The following ITGA9 variants were observed in gnomAD, a reference collection of about 807,000 sequenced individuals.
ITGA9 encodes the protein integrin subunit alpha 9, also known as integrin alpha-9.
Under a neutral mutation model 127.8 loss-of-function variants are expected in ITGA9, and 56 were observed. The ratio of observed to expected loss-of-function variants is 0.44; its 90% CI spans 0.35 to 0.55. The LOEUF is 0.55. ITGA9 is among the 20% of genes least tolerant of loss of function. The pLI is 0.00. For synonymous variants in ITGA9, 508 were observed against 514.5 expected (o/e 0.99, Z 0.17); for missense variants, 1,196 against 1,347.1 (o/e 0.89, Z 1.76).
rs184333226 is a variant in ITGA9, at chr3:37,725,702, A to G, written c.2068-7010A>G. ...TAATGGATTTAAAACACTACCTGGCACACAGTAAACCATTACTAAGTAGAG... is the reference window on the plus strand; with the variant it reads ...TAATGGATTTAAAACACTACCTGGCGCACAGTAAACCATTACTAAGTAGAG... On this transcript the variant is annotated intron_variant, in intron 18 of 27. Coordinates refer to ENST00000264741, the MANE Select transcript of ITGA9 (RefSeq NM_002207.3). Among the ~76,000 whole-genome samples the G allele has an allele frequency of 2.0e-5, 3 of 152,366 alleles. No homozygotes were observed. The East Asian group carries it at 5.8e-4, about 29-fold the overall frequency.
intron 9 of ITGA9, 151 bp downstream of exon 9, chr3:37,514,051 T>A: frequency 1.1e-6 from 1 of 925,948 alleles, no homozygotes; most frequent in Non-Finnish European, 1.7e-6. Flanking sequence ...ATAAGCTCAA[T>A]GGCCCATTAA....
At chr3:37,812,366 G>A (rs1246686038) in intron 27 of ITGA9, among the ~76,000 whole-genome samples, 1 of 152,232 alleles carries the variant, frequency 6.6e-6, no homozygotes, top group Non-Finnish European at 1.5e-5. Context: ...GCAACCCAAA[G>A]GCCGCGGAGT....
chr3:37,481,090 G>A (rs775351259), intron 3 of ITGA9, among the ~76,000 whole-genome samples: 6 of 152,154 alleles, frequency 3.9e-5, no homozygotes, highest in East Asian at 3.9e-4. Flanking sequence ...CCTTTCTCAC[G>A]ATGTATCCTT....
chr3:37,457,508 C>T (rs923945335), intron 1 of ITGA9, among the ~76,000 whole-genome samples: 1 of 152,206 alleles, frequency 6.6e-6, no homozygotes, highest in Non-Finnish European at 1.5e-5. Context: ...CCTGCCTTCT[C>T]ATAACCTCAG....
chr3:37,769,981 C>T (rs1481841923), intron 23 of ITGA9, among the ~76,000 whole-genome samples: 5 of 152,100 alleles, frequency 3.3e-5, no homozygotes, highest in South Asian at 2.1e-4. Flanking sequence ...TGGGGATTTT[C>T]GAGATGTGCT....
In ITGA9 at chr3:37,517,677, G is replaced by A. The variant is rs201439645; in HGVS notation, c.1141+68G>A. Reference sequence around the variant, plus strand: ...CACGCTGCTCTGTTTCAGAGGGGCAGCCTGCTCGCTGACTGTCCATCTCTA... The same window carrying A: ...CACGCTGCTCTGTTTCAGAGGGGCAACCTGCTCGCTGACTGTCCATCTCTA... On this transcript the variant is annotated intron_variant, in intron 10 of 27. Coordinates refer to ENST00000264741, the MANE Select transcript of ITGA9 (RefSeq NM_002207.3). 17 of 1,147,676 alleles carry A rather than the reference G, an allele frequency of 1.5e-5. No individual in the cohort carries two copies. In the East Asian group the frequency reaches 4.1e-4, roughly 28 times the overall value. 71.1% of individuals were successfully genotyped at this position (1,147,676 alleles called of 1,614,324 possible). A position where few individuals can be genotyped will look rare whatever the true frequency, so the allele number is the denominator to read the frequency against.
intron 6 of ITGA9, among the ~76,000 whole-genome samples, chr3:37,505,702 C>T (rs1019313712): frequency 3.9e-5 from 6 of 152,038 alleles, no homozygotes; most frequent in Non-Finnish European, 7.4e-5. Flanking sequence ...ATGACCTTAC[C>T]GTATGAAAAC....
rs1434283676 is a variant in ITGA9, at chr3:37,806,167, C to T, written c.3009+2225C>T. ...TCTCCTTTTTCTCCAACTCCAACTC[C>T]TTCCTGCTGAGACAGCCTCTGGTTT... On this transcript the variant is annotated intron_variant, in intron 27 of 27. Coordinates refer to ENST00000264741, the MANE Select transcript of ITGA9 (RefSeq NM_002207.3). This position sits in a 1 kb window ranked among gnomAD's most constrained non-coding sequence, Gnocchi z 4.3. 6.6e-6 allele frequency: 1 copy of T among 152,226 alleles called. No individual in the cohort carries two copies. The allele number at this position is 152,226 out of a possible 1,614,324, so 9.4% of individuals were successfully genotyped here.
At chr3:37,589,117 G>A (rs899605863) in intron 15 of ITGA9, among the ~76,000 whole-genome samples, 8 of 152,216 alleles carry the variant, frequency 5.3e-5, no homozygotes, top group African/African-American at 1.7e-4. Context: ...AGATAAAATG[G>A]TATCTGTAGG....
At chr3:37,549,399 A>T (rs919210591) in intron 15 of ITGA9, among the ~76,000 whole-genome samples, 6 of 152,216 alleles carry the variant, frequency 3.9e-5, no homozygotes, top group African/African-American at 1.4e-4. Flanking sequence ...TAAATATGTA[A>T]GTATGGTCAC....
chr3:37,725,319 G>A (rs1055618997), intron 18 of ITGA9, among the ~76,000 whole-genome samples: 6 of 152,228 alleles, frequency 3.9e-5, no homozygotes, highest in African/African-American at 1.4e-4. Flanking sequence ...ATCAGGGCCT[G>A]AGCAAGTGGC....
chr3:37,775,853 A>G (rs1185704408), intron 23 of ITGA9, among the ~76,000 whole-genome samples: 3 of 152,162 alleles, frequency 2.0e-5, no homozygotes, highest in Admixed American at 2.0e-4. Context: ...ATGAATATAA[A>G]TCATTCTACC....
chr3:37,743,847 G>A (rs1575217042), intron 21 of ITGA9, 79 bp from the exon 22 acceptor site: 1 of 973,606 alleles, frequency 1.0e-6, no homozygotes, highest in East Asian at 2.4e-5. Flanking sequence ...TGAGACAAAT[G>A]TTTGCTTCTC....
At chr3:37,809,809 A>G (rs994084071) in intron 27 of ITGA9, among the ~76,000 whole-genome samples, 1 of 152,166 alleles carries the variant, frequency 6.6e-6, no homozygotes, top group African/African-American at 2.4e-5. Context: ...AGAATGATAC[A>G]TTATGTTTAG....
At chr3:37,611,049 A>G (rs1700011344) in intron 15 of ITGA9, among the ~76,000 whole-genome samples, 1 of 152,246 alleles carries the variant, frequency 6.6e-6, no homozygotes, top group South Asian at 2.1e-4. Context: ...AAAGTAAAGC[A>G]TCAGGTAAAT....
At position 37,744,013 on chromosome 3, in the gene ITGA9, G is replaced by T; in HGVS notation, c.2412G>T (p.Gln804His). Reference protein sequence around the residue: ...IQLDDLECHFQPINITLQVYN... With the variant: ...IQLDDLECHFHPINITLQVYN... ...TGGATGACCTGGAGTGTCACTTTCAGCCCATCAATATCACCCTTCAGGTAC... is the reference window on the plus strand; with the variant it reads ...TGGATGACCTGGAGTGTCACTTTCATCCCATCAATATCACCCTTCAGGTAC... Residue 804 changes from glutamine to histidine, a missense_variant, in exon 22 of 28, where the codon CAG becomes CAT. Gln to His is a conservative substitution (Grantham distance 24, BLOSUM62 0). Transcript: ENST00000264741. 1 of 1,613,634 alleles carries T rather than the reference G, an allele frequency of 6.2e-7. No homozygotes were observed. Among genetic ancestry groups the T allele is most frequent in the South Asian group, 1.1e-5 (1 of 91,076 alleles).
In ITGA9 at chr3:37,494,489, C is replaced by T. The variant is rs1698706389; in HGVS notation, c.545-12C>T. On this transcript the variant is annotated splice_polypyrimidine_tract_variant and intron_variant, in intron 4 of 27. Coordinates refer to ENST00000264741, the MANE Select transcript of ITGA9 (RefSeq NM_002207.3). ...GGCTGTGGTTTGCTTCTCTCTCCTT[C>T]CTTCCCCCTAGAGTATAAGAAGAAG... The T allele has an allele frequency of 1.3e-6, 2 of 1,599,670 alleles. No homozygotes were observed. The highest frequency in any genetic ancestry group is 1.3e-5 in the African/African-American group (1 of 74,832).
intron 16 of ITGA9, among the ~76,000 whole-genome samples, chr3:37,634,314 TAA>T (rs1340637995): frequency 7.2e-6 from 1 of 138,376 alleles, no homozygotes; most frequent in Non-Finnish European, 1.6e-5. Flanking sequence ...TAAATGGATT[TAA>T]AAAAAAAAAA....
intron 15 of ITGA9, among the ~76,000 whole-genome samples, chr3:37,543,919 G>T (rs1427332346): frequency 6.6e-6 from 1 of 152,218 alleles, no homozygotes; most frequent in African/African-American, 2.4e-5. Flanking sequence ...AGCTGCTCCT[G>T]TGCCTGTTAA....
Sources: gnomAD v4.1 joint callset for allele counts (sites outside exome capture counted in the v4.1 genomes callset) on GRCh38, gnomAD v4.1.1 for gene constraint, Gnocchi (gnomAD v3.1) non-coding constraint, MANE v1.5 for transcripts, NCBI Gene and HGNC (gene_info 2026-07-23, HGNC 2026-07-21) for gene names.